Variants in MYO19 observed in about 807,000 individuals in gnomAD.
MYO19 encodes the protein myosin XIX.
Under a neutral mutation model 129.2 loss-of-function variants are expected in MYO19, and 132 were observed. The observed-to-expected ratio is 1.02, with a 90% CI of 0.89 to 1.18. MYO19 has a LOEUF of 1.18. Ranked by LOEUF, MYO19 falls within the 50% of genes most tolerant of loss-of-function variation. The probability of loss-of-function intolerance (pLI) is 0.00; values close to 1 mark genes in which losing one functional copy is unlikely to be tolerated. For synonymous variants in MYO19, 531 were observed against 477.2 expected (o/e 1.11, Z -1.47); for missense variants, 1,210 against 1,216.7 (o/e 0.99, Z 0.08).
chr17:36,521,994 G>A (rs2073155063), intron 6 of MYO19, among the ~76,000 whole-genome samples: 1 of 128,116 alleles, frequency 7.8e-6, no homozygotes, highest in Non-Finnish European at 1.6e-5. Context: ...TTGTGCCACT[G>A]CACTCCAGCC....
chr17:36,522,146 T>C (rs539022112), intron 6 of MYO19, among the ~76,000 whole-genome samples: 47 of 152,310 alleles, frequency 3.1e-4, no homozygotes, highest in African/African-American at 1.1e-3. Flanking sequence ...CCATCAGATT[T>C]GAGGCAGAAT....
intron 13 of MYO19, among the ~76,000 whole-genome samples, chr17:36,510,148 C>G (rs2072218388): frequency 6.6e-6 from 1 of 152,202 alleles, no homozygotes; most frequent in South Asian, 2.1e-4. Context: ...ATTCTGGGCC[C>G]CTGAAGCCCT....
intron 24 of MYO19, 114 bp downstream of exon 24, chr17:36,498,961 A>G: frequency 1.2e-6 from 1 of 804,474 alleles, no homozygotes; most frequent in Admixed American, 2.1e-5. Flanking sequence ...GAGAGGCTAA[A>G]CAACCTGCCC....
chr17:36,515,814 G>C, intron 7 of MYO19, 44 bp downstream of exon 7: 1 of 1,574,474 alleles, frequency 6.4e-7, no homozygotes, highest in Non-Finnish European at 8.7e-7. Flanking sequence ...GAAAATCCCA[G>C]AGGAAATGGG....
At position 36,533,982 on chromosome 17, in the gene MYO19, G is replaced by C. The variant is rs561328231; in HGVS notation, c.-173C>G. On this transcript the variant is annotated 5_prime_UTR_variant, in exon 2 of 26. The change creates a new upstream start codon in the 5' untranslated region. Coordinates refer to ENST00000614623, the MANE Select transcript of MYO19 (RefSeq NM_001163735.2). ...GAAAGCGCTCTGCAAATGTTATTAC[G>C]ATGCAGCATCAGCTCCTAGCTGGAG... 1 of 152,376 alleles carries C rather than the reference G, an allele frequency of 6.6e-6. No individual in the cohort carries two copies. The highest frequency in any genetic ancestry group is 1.9e-4 in the East Asian group (1 of 5,192). 9.4% of individuals were successfully genotyped at this position (152,376 alleles called of 1,614,324 possible). A position where few individuals can be genotyped will look rare whatever the true frequency, so the allele number is the denominator to read the frequency against.
chr17:36,523,906 G>C (rs1035357977), intron 6 of MYO19, among the ~76,000 whole-genome samples: 22 of 152,348 alleles, frequency 1.4e-4, no homozygotes, highest in Non-Finnish European at 2.6e-4. Flanking sequence ...AAGGTTGAAA[G>C]ACAAGGAGCA....
chr17:36,513,294 C>T, intron 11 of MYO19, 135 bp downstream of exon 11: 1 of 1,542,490 alleles, frequency 6.5e-7, no homozygotes, highest in South Asian at 1.2e-5. Flanking sequence ...GTGACTGATT[C>T]CTTGGAGGTA....
At position 36,528,044 on chromosome 17, in the gene MYO19, G is replaced by C. The variant is rs757955176; in HGVS notation, c.151+20C>G. On this transcript the variant is annotated intron_variant, in intron 4 of 25. Coordinates refer to ENST00000614623, the MANE Select transcript of MYO19 (RefSeq NM_001163735.2). ...CCAACCTCCTGGAGATGATACTCCT[G>C]AGGAATGGGAGGCCCATACCTGTCT... 2.5e-6 allele frequency: 4 copies of C among 1,605,456 alleles called. No individual in the cohort carries two copies. The South Asian group carries it at 4.4e-5, about 18-fold the overall frequency.
At chr17:36,508,869 T>C (rs146664058) in intron 14 of MYO19, 193 bp downstream of exon 14, 1 of 611,312 alleles carries the variant, frequency 1.6e-6, no homozygotes, top group African/African-American at 1.8e-5. Context: ...ACTGCTCAGA[T>C]GTGGGTGCAG....
chr17:36,506,488 C>T lies in MYO19; in HGVS notation c.1765G>A (p.Ala589Thr), dbSNP rs772408680. The change falls in exon 18 of 26, where the codon GCC (alanine) becomes ACC (threonine). Residue 589 changes from alanine to threonine, a missense_variant. Transcript: ENST00000614623. ...TQEEPPGQSR[A>T]PVLTVVSKFK... The stretch of plus-strand genomic sequence containing the variant: ...TTGGACACCACGGTCAACACAGGGG[C>T]CCTGCTCTGGCCAGGGGGTTCCTCC... 28 of 1,613,380 alleles carry T rather than the reference C, an allele frequency of 1.7e-5. No homozygotes were observed. The highest frequency in any genetic ancestry group is 2.4e-5 in the Non-Finnish European group (28 of 1,179,702).
intron 6 of MYO19, among the ~76,000 whole-genome samples, chr17:36,516,706 C>T (rs934158036): frequency 2.6e-5 from 4 of 152,216 alleles, no homozygotes; most frequent in Admixed American, 2.0e-4. Context: ...TGTTCTTAAT[C>T]AGCTGAAGTG....
chr17:36,543,456 A>T (rs2074211559), upstream of MYO19: 1 of 152,202 alleles, frequency 6.6e-6, no homozygotes, highest in Non-Finnish European at 1.5e-5. Context: ...CCCGGCCCAG[A>T]AGACATAAAT....
Position 36,513,720 on chromosome 17 carries a change from G to C in MYO19, c.726C>G (p.Cys242Trp). 5 of 1,613,340 alleles carry C rather than the reference G, an allele frequency of 3.1e-6. No homozygotes were observed. Among genetic ancestry groups the C allele is most frequent in the Non-Finnish European group, 4.2e-6 (5 of 1,179,656 alleles). ...GCCTCTCGTCCTCACTGGCTCCTTT[G>C]CAAATCTGTGGAGAAGGGTAGGTGG... ...ERNFHIFYQI[C>W]KGASEDERLQ... The change falls in exon 10 of 26, where the codon TGC (cysteine) becomes TGG (tryptophan). Residue 242 changes from cysteine (C) to tryptophan (W), a missense_variant. By Grantham distance (215) the Cys-to-Trp change is radical (BLOSUM62 -2). Transcript: ENST00000614623.
In MYO19 at chr17:36,515,160, A is replaced by T. The variant is rs775999194; in HGVS notation, c.570T>A (p.Asn190Lys). The change falls in exon 8 of 26, where the codon AAT (asparagine) becomes AAA (lysine). Residue 190 changes from asparagine (N) to lysine (K), a missense_variant. Asn to Lys is a moderately conservative substitution (Grantham distance 94, BLOSUM62 0). Transcript: ENST00000614623. ...ACTTCCCAAAGCGACTGCTGTTGTTATTCCTCAGTGTACACGCATTCCCTA... is the reference window on the plus strand; with the variant it reads ...ACTTCCCAAAGCGACTGCTGTTGTTTTTCCTCAGTGTACACGCATTCCCTA... ...EAFGNACTLR[N>K]NNSSRFGKFI... 1.2e-6 allele frequency: 2 copies of T among 1,612,872 alleles called. No individual in the cohort carries two copies. The highest frequency in any genetic ancestry group is 2.2e-5 in the South Asian group (2 of 90,666).
At chr17:36,529,555 A>G (rs768088971) in intron 3 of MYO19, among the ~76,000 whole-genome samples, 2 of 152,184 alleles carry the variant, frequency 1.3e-5, no homozygotes, top group African/African-American at 2.4e-5. Flanking sequence ...AATTTCCTCC[A>G]AGAGGCCCAG....
rs1398661301 is a variant in MYO19 at position 36,525,239 on chromosome 17, C to A, written c.403G>T (p.Gly135Cys). The change falls in exon 6 of 26, where the codon GGT becomes TGT. Residue 135 changes from glycine (G) to cysteine (C), a missense_variant. Transcript: ENST00000614623. ...NQSIVVSGES[G>C]AGKTWTSRCL... Reference sequence around the variant, plus strand: ...AGACGTCTTCCTACCTTTCCAGCACCACTCTCTCCACTGACAACAATAGAC... The same window carrying A: ...AGACGTCTTCCTACCTTTCCAGCACAACTCTCTCCACTGACAACAATAGAC... The A allele has an allele frequency of 1.9e-6, 3 of 1,613,242 alleles. No homozygotes were observed. Among genetic ancestry groups the A allele is most frequent in the South Asian group, 1.1e-5 (1 of 91,002 alleles).
chr17:36,536,671 C>T (rs1000104446), upstream of MYO19, among the ~76,000 whole-genome samples: 5 of 151,884 alleles, frequency 3.3e-5, no homozygotes, highest in Non-Finnish European at 5.9e-5. Flanking sequence ...GGTGCCATCA[C>T]GCCTGGCTAA....
intron 13 of MYO19, chr17:36,509,778 G>GC (rs1209329034): frequency 6.6e-6 from 1 of 152,636 alleles, no homozygotes; most frequent in Admixed American, 6.5e-5. Flanking sequence ...GGCTCTTTTT[G>GC]CAACAGGGGC....
chr17:36,544,643 G>C (rs956480277), upstream of MYO19, among the ~76,000 whole-genome samples: 2 of 152,186 alleles, frequency 1.3e-5, no homozygotes, highest in Non-Finnish European at 2.9e-5. Flanking sequence ...CCCCTCGTCC[G>C]TGGGGAAGCC....
Sources: allele counts gnomAD v4.1 joint callset (sites outside exome capture counted in the v4.1 genomes callset), GRCh38; gene constraint gnomAD v4.1.1; transcripts MANE v1.5; gene names NCBI Gene and HGNC (gene_info 2026-07-23, HGNC 2026-07-21).